The following MTMR2 variants were observed in gnomAD, a reference collection of about 807,000 sequenced individuals.
MTMR2 encodes the protein phosphatidylinositol-3,5-bisphosphate 3-phosphatase MTMR2.
A neutral mutation model predicts 86.9 loss-of-function variants in MTMR2; 55 were observed. The ratio of observed to expected loss-of-function variants is 0.63; its 90% CI spans 0.51 to 0.79. MTMR2 has a LOEUF of 0.79. MTMR2 is among the 30% of genes least tolerant of loss of function. The pLI is 0.00. For missense variants in MTMR2, 659 were observed against 772.3 expected (o/e 0.85, Z 1.74); for synonymous variants, 241 against 266.8 (o/e 0.90, Z 0.94).
intron 2 of MTMR2, among the ~76,000 whole-genome samples, chr11:95,879,832 T>C (rs989560360): frequency 6.6e-6 from 1 of 152,128 alleles, no homozygotes; most frequent in African/African-American, 2.4e-5. Flanking sequence ...ACTTCAGGAT[T>C]ATCTTGTCAA....
chr11:95,859,516 G>C (rs948497429), intron 5 of MTMR2, among the ~76,000 whole-genome samples: 37 of 152,234 alleles, frequency 2.4e-4, no homozygotes, highest in African/African-American at 8.9e-4. Flanking sequence ...TTCTAAAACA[G>C]TGGTGGGGAA....
chr11:95,879,489 T>C (rs990917491), intron 2 of MTMR2, among the ~76,000 whole-genome samples: 6 of 152,212 alleles, frequency 3.9e-5, no homozygotes, highest in Non-Finnish European at 7.4e-5. Flanking sequence ...TATGTCATTA[T>C]CCTAGTACAT....
At position 95,833,789 on chromosome 11, in the gene MTMR2, T is replaced by G. The variant is rs2135393475; in HGVS notation, c.*1501A>C. 1 of 152,212 alleles carries G rather than the reference T, an allele frequency of 6.6e-6. No homozygotes were observed. The highest frequency in any genetic ancestry group is 2.1e-4 in the South Asian group (1 of 4,832). 9.4% of individuals were successfully genotyped at this position (152,212 alleles called of 1,614,324 possible). A position where few individuals can be genotyped will look rare whatever the true frequency, so the allele number is the denominator to read the frequency against. The stretch of plus-strand genomic sequence containing the variant: ...TGATTTGCTAGCCACTTAAATGCCC[T>G]GTTAAAAAGCTTATATTTCACACAA... On this transcript the variant is annotated 3_prime_UTR_variant, in exon 15 of 15. Coordinates refer to ENST00000346299, the MANE Select transcript of MTMR2 (RefSeq NM_016156.6).
intron 8 of MTMR2, 115 bp downstream of exon 8, chr11:95,850,485 G>T (rs1863974055): frequency 9.1e-7 from 1 of 1,095,666 alleles, no homozygotes; most frequent in Non-Finnish European, 1.4e-6. Context: ...ATATCCCCAT[G>T]AAAGACCTGC....
chr11:95,870,996 T>G (rs1356502100), intron 2 of MTMR2, among the ~76,000 whole-genome samples: 3 of 152,076 alleles, frequency 2.0e-5, no homozygotes, highest in Non-Finnish European at 4.4e-5. Context: ...GTTTGGTGTT[T>G]TGTCCTTGTG....
In MTMR2 at chr11:95,834,474, TTC is replaced by T. The variant is rs1863163985; in HGVS notation, c.*814_*815del. ...ACTTCTTAAAAACTTGCTAATTAGC[TTC>T]TGTGTGTTCAGACACACAAGACAAG... On this transcript the variant is annotated 3_prime_UTR_variant, in exon 15 of 15. Coordinates refer to ENST00000346299, the MANE Select transcript of MTMR2 (RefSeq NM_016156.6). The T allele has an allele frequency of 6.6e-6, 1 of 152,084 alleles. No homozygotes were observed. The highest frequency in any genetic ancestry group is 1.5e-5 in the Non-Finnish European group (1 of 67,970). 9.4% of individuals were successfully genotyped at this position (152,084 alleles called of 1,614,324 possible).
chr11:95,912,077 A>C (rs921533512), intron 1 of MTMR2, among the ~76,000 whole-genome samples: 2 of 113,654 alleles, frequency 1.8e-5, no homozygotes, highest in African/African-American at 6.2e-5. Context: ...AATGAAGTTA[A>C]CACAGGTGGG....
intron 6 of MTMR2, among the ~76,000 whole-genome samples, chr11:95,857,897 A>G (rs892479031): frequency 6.6e-6 from 1 of 152,170 alleles, no homozygotes; most frequent in Non-Finnish European, 1.5e-5. Context: ...CTTTCAGATT[A>G]TCCTTGGTAG....
chr11:95,870,701 CTTCTT>C (rs1461152214), intron 2 of MTMR2, among the ~76,000 whole-genome samples: 2 of 133,824 alleles, frequency 1.5e-5, no homozygotes, highest in African/African-American at 6.0e-5. Flanking sequence ...AGGAACCTAT[CTTCTT>C]TTTTTTTTTT....
intron 1 of MTMR2, among the ~76,000 whole-genome samples, chr11:95,889,952 T>C (rs1408061915): frequency 2.0e-5 from 3 of 152,250 alleles, no homozygotes; most frequent in Non-Finnish European, 1.5e-5. Context: ...TAGGTTTTGA[T>C]GAAATACTTC....
Position 95,834,088 on chromosome 11 carries a change from A to G in MTMR2, c.*1202T>C, listed in dbSNP as rs1426005397. 2 of 152,546 alleles carry G rather than the reference A, an allele frequency of 1.3e-5. No individual in the cohort carries two copies. The highest frequency in any genetic ancestry group is 4.8e-5 in the African/African-American group (2 of 41,440). 9.4% of individuals were successfully genotyped at this position (152,546 alleles called of 1,614,324 possible). A position where few individuals can be genotyped will look rare whatever the true frequency, so the allele number is the denominator to read the frequency against. On this transcript the variant is annotated 3_prime_UTR_variant, in exon 15 of 15. Coordinates refer to ENST00000346299, the MANE Select transcript of MTMR2 (RefSeq NM_016156.6). ...AGAAATGGCAACTTTGGACAAGAAC[A>G]AAGTTTAAAAGTCAGTTGGAATTTC...
At chr11:95,888,827 AGAG>A (rs1484834916) in intron 1 of MTMR2, among the ~76,000 whole-genome samples, 10 of 152,338 alleles carry the variant, frequency 6.6e-5, no homozygotes, top group Non-Finnish European at 1.2e-4. Context: ...AAGACTTCTC[AGAG>A]GAGATGATAT....
intron 11 of MTMR2, among the ~76,000 whole-genome samples, chr11:95,844,045 A>G (rs1292926122): frequency 2.6e-5 from 4 of 152,202 alleles, no homozygotes; most frequent in Admixed American, 6.5e-5. Flanking sequence ...TTTTCAGAAT[A>G]TAACTAGGTA....
At position 95,835,272 on chromosome 11, in the gene MTMR2, C is replaced by T; in HGVS notation, c.*18G>A. The T allele has an allele frequency of 6.2e-7, 1 of 1,611,954 alleles. No individual in the cohort carries two copies. The highest frequency in any genetic ancestry group is 8.5e-7 in the Non-Finnish European group (1 of 1,178,564). On this transcript the variant is annotated 3_prime_UTR_variant, in exon 15 of 15. Transcript: ENST00000346299. ...AATCAAGAGTGTATAGCAATGATGC[C>T]CCTGATCTTACAGTCCTTTATACAA...
At chr11:95,860,956 G>A (rs538674400) in intron 5 of MTMR2, among the ~76,000 whole-genome samples, 1 of 152,050 alleles carries the variant, frequency 6.6e-6, no homozygotes, top group East Asian at 1.9e-4. Flanking sequence ...AGGAGATTGG[G>A]ACCATCCTGG....
intron 1 of MTMR2, among the ~76,000 whole-genome samples, chr11:95,893,933 A>C (rs999595088): frequency 6.6e-6 from 1 of 152,120 alleles, no homozygotes; most frequent in African/African-American, 2.4e-5. Context: ...CCTAAATCTG[A>C]TCATATCAAT....
chr11:95,861,898 T>C (rs1033679710), intron 5 of MTMR2, 94 bp downstream of exon 5: 1 of 956,386 alleles, frequency 1.0e-6, no homozygotes. Flanking sequence ...TGGAAATCCA[T>C]TTTATATTTT....
At chr11:95,889,359 C>T (rs1397157528) in intron 1 of MTMR2, among the ~76,000 whole-genome samples, 2 of 152,028 alleles carry the variant, frequency 1.3e-5, no homozygotes, top group Non-Finnish European at 2.9e-5. Context: ...TCTTGAACTC[C>T]TGACCTCAAC....
At chr11:95,917,664 T>G (rs916827812) in intron 1 of MTMR2, among the ~76,000 whole-genome samples, 3 of 152,146 alleles carry the variant, frequency 2.0e-5, no homozygotes, top group African/African-American at 7.2e-5. Context: ...GCCAATATAC[T>G]GAACTCTAAC....
Sources: gnomAD v4.1 joint callset for allele counts (sites outside exome capture counted in the v4.1 genomes callset) on GRCh38, gnomAD v4.1.1 for gene constraint, MANE v1.5 for transcripts, NCBI Gene and HGNC (gene_info 2026-07-23, HGNC 2026-07-21) for gene names.